Variants in MAST2 observed in about 807,000 individuals in gnomAD.
MAST2 encodes microtubule associated serine/threonine kinase 2.
A neutral mutation model predicts 147.4 loss-of-function variants in MAST2; 70 were observed. The ratio of observed to expected loss-of-function variants is 0.47; its 90% CI spans 0.39 to 0.58. The LOEUF is 0.58. Among genes scored for constraint, MAST2 ranks in the 20% least tolerant of loss-of-function variants. MAST2 has a pLI of 0.00. For synonymous variants in MAST2, 869 were observed against 896.8 expected (o/e 0.97, Z 0.55); for missense variants, 2,080 against 2,302.3 (o/e 0.90, Z 1.98).
chr1:45,910,424 A>G (rs1003961739), intron 4 of MAST2, among the ~76,000 whole-genome samples: 8 of 152,248 alleles, frequency 5.3e-5, no homozygotes, highest in African/African-American at 1.7e-4. Flanking sequence ...ACATATTTTT[A>G]TAAAAATAAA....
chr1:46,030,893 AG>A (rs1646633392), intron 22 of MAST2, 113 bp from the exon 23 acceptor site: 1 of 1,474,082 alleles, frequency 6.8e-7, no homozygotes, highest in Admixed American at 2.4e-5. Context: ...TGGCTCCTGG[AG>A]GAATGTCTGC....
At chr1:46,009,605 A>G (rs1206763908) in intron 9 of MAST2, among the ~76,000 whole-genome samples, 1 of 152,222 alleles carries the variant, frequency 6.6e-6, no homozygotes, top group Admixed American at 6.5e-5. Flanking sequence ...TGAGAAATGT[A>G]TCTCATGCTT....
intron 7 of MAST2, among the ~76,000 whole-genome samples, chr1:46,005,365 A>G (rs997714615): frequency 6.6e-6 from 1 of 151,704 alleles, no homozygotes; most frequent in Non-Finnish European, 1.5e-5. Context: ...TCTGTCTCAA[A>G]AAAAAAAAAA....
chr1:45,870,105 G>T (rs968746238), intron 3 of MAST2, among the ~76,000 whole-genome samples: 6 of 152,042 alleles, frequency 3.9e-5, no homozygotes, highest in Admixed American at 2.6e-4. Flanking sequence ...TGTAGTTTTA[G>T]TAGAGACAGG....
chr1:45,914,670 G>T (rs1652197361), intron 4 of MAST2, among the ~76,000 whole-genome samples: 1 of 152,102 alleles, frequency 6.6e-6, no homozygotes. Context: ...CTTCCTTTGT[G>T]ATGTTGCCCT....
At chr1:45,983,316 A>G (rs1644485160) in intron 5 of MAST2, among the ~76,000 whole-genome samples, 1 of 152,216 alleles carries the variant, frequency 6.6e-6, no homozygotes, top group Non-Finnish European at 1.5e-5. Flanking sequence ...AGAATTCAAT[A>G]TAAGACTCAG....
rs1362554542 is a variant in MAST2, at chr1:45,913,919, A to T, written c.500+31524A>T. ...GTCTCTATGGAAACTGGCAGATGTC[A>T]GGAAAAAAAACTAATGCCAACTAAC... On this transcript the variant is annotated intron_variant, in intron 4 of 28. Transcript: ENST00000361297. 5 of 1,176,776 alleles carry T rather than the reference A, an allele frequency of 4.2e-6. 1 individual carries two copies. In the South Asian group the frequency reaches 8.1e-5, roughly 19 times the overall value. The allele number at this position is 1,176,776 out of a possible 1,614,324, so 72.9% of individuals were successfully genotyped here. A position where few individuals can be genotyped will look rare whatever the true frequency, so the allele number is the denominator to read the frequency against.
chr1:45,957,463 T>C (rs183627467), intron 4 of MAST2, among the ~76,000 whole-genome samples: 154 of 152,278 alleles, frequency 1.0e-3, no homozygotes, highest in African/African-American at 3.6e-3. Flanking sequence ...TATGATTGGG[T>C]TTAAATATGT....
chr1:45,976,858 CCTTAA>C (rs1279581400), intron 5 of MAST2, among the ~76,000 whole-genome samples: 1 of 151,946 alleles, frequency 6.6e-6, no homozygotes, highest in Non-Finnish European at 1.5e-5. Context: ...GTGTTGATAC[CCTTAA>C]CTTAGATAAG....
intron 3 of MAST2, 118 bp from the exon 4 acceptor site, chr1:45,882,246 G>T: frequency 1.7e-6 from 1 of 576,902 alleles, no homozygotes; most frequent in Non-Finnish European, 3.1e-6. Context: ...TTGTTATTTA[G>T]AAATATGTGG....
chr1:45,961,283 TC>T (rs1208906283), intron 5 of MAST2, among the ~76,000 whole-genome samples: 1 of 152,176 alleles, frequency 6.6e-6, no homozygotes, highest in Non-Finnish European at 1.5e-5. Context: ...AAACAGCACA[TC>T]CTAGATTTTT....
intron 5 of MAST2, among the ~76,000 whole-genome samples, chr1:45,987,616 G>A (rs987557795): frequency 6.6e-6 from 1 of 151,932 alleles, no homozygotes; most frequent in African/African-American, 2.4e-5. Context: ...CTGGCGTTGT[G>A]TATGGTTTTA....
At chr1:45,948,039 A>G (rs538998466) in intron 4 of MAST2, among the ~76,000 whole-genome samples, 15 of 152,276 alleles carry the variant, frequency 9.9e-5, no homozygotes, top group African/African-American at 3.1e-4. Flanking sequence ...AAGCTGATAA[A>G]CAACTTCAGC....
At chr1:45,966,408 T>C (rs1172929949) in intron 5 of MAST2, among the ~76,000 whole-genome samples, 1 of 147,620 alleles carries the variant, frequency 6.8e-6, no homozygotes, top group Non-Finnish European at 1.5e-5. Context: ...ATGGTAAGAG[T>C]GTATTTGATT....
At chr1:45,918,056 C>A (rs1017542279) in intron 4 of MAST2, among the ~76,000 whole-genome samples, 1 of 152,146 alleles carries the variant, frequency 6.6e-6, no homozygotes, top group African/African-American at 2.4e-5. Flanking sequence ...AATCCCTGTC[C>A]TCAGGGAGCT....
chr1:45,927,507 A>G (rs1654576564), intron 4 of MAST2, among the ~76,000 whole-genome samples: 1 of 150,450 alleles, frequency 6.6e-6, no homozygotes, highest in Admixed American at 6.7e-5. Flanking sequence ...GAGAATAAGA[A>G]TTCAGCGATA....
intron 4 of MAST2, among the ~76,000 whole-genome samples, chr1:45,957,460 G>A (rs1659810869): frequency 6.6e-6 from 1 of 152,078 alleles, no homozygotes; most frequent in African/African-American, 2.4e-5. Flanking sequence ...TGGTATGATT[G>A]GGTTTAAATA....
chr1:45,859,108 C>T (rs1346331410), intron 3 of MAST2, among the ~76,000 whole-genome samples: 1 of 152,048 alleles, frequency 6.6e-6, no homozygotes, highest in Non-Finnish European at 1.5e-5. Flanking sequence ...TTTTTGGTTC[C>T]ATATGAACTT....
At chr1:45,929,776 A>G (rs945009043) in intron 4 of MAST2, among the ~76,000 whole-genome samples, 1 of 152,148 alleles carries the variant, frequency 6.6e-6, no homozygotes, top group African/African-American at 2.4e-5. Context: ...TTGTTAATAT[A>G]TACATATGTG....
Sources: allele counts gnomAD v4.1 joint callset (sites outside exome capture counted in the v4.1 genomes callset), GRCh38; gene constraint gnomAD v4.1.1; transcripts MANE v1.5; gene names NCBI Gene and HGNC (gene_info 2026-07-23, HGNC 2026-07-21).